The following EVC variants were observed in gnomAD, a reference collection of about 807,000 sequenced individuals.
The protein encoded by EVC is EvC ciliary complex subunit 1, also known as evC complex member EVC.
A neutral mutation model predicts 118.9 loss-of-function variants in EVC; 116 were observed. The ratio of observed to expected loss-of-function variants is 0.98; its 90% CI spans 0.84 to 1.14. EVC has a LOEUF of 1.14. Ranked by LOEUF, EVC falls within the 50% of genes most tolerant of loss-of-function variation. The pLI, the probability that EVC is intolerant of heterozygous loss-of-function variation, is 0.00. For synonymous variants in EVC, 619 were observed against 534.7 expected (o/e 1.16, Z -2.18); for missense variants, 1,401 against 1,246.4 (o/e 1.12, Z -1.87).
the EVC span, chr4:5,825,350 G>C: frequency 7.1e-7 from 1 of 1,418,256 alleles, no homozygotes; most frequent in Non-Finnish European, 9.1e-7. The surrounding 1 kb of genome is among the most constrained non-coding windows in gnomAD (Gnocchi z 4.4). Context: ...CCACCAGTGA[G>C]AGCAGGCTCG....
At chr4:5,825,795 GCA>G in the EVC span, 2 of 789,830 alleles carry the variant, frequency 2.5e-6, no homozygotes, top group African/African-American at 1.8e-5. This position sits in a 1 kb window ranked among gnomAD's most constrained non-coding sequence, Gnocchi z 4.4. Context: ...CACACAACAC[GCA>G]CACACGACAG....
the EVC span, among the ~76,000 whole-genome samples, chr4:5,823,548 G>A: frequency 2.0e-5 from 3 of 152,242 alleles, no homozygotes; most frequent in Non-Finnish European, 4.4e-5. Context: ...TTTGGGTCAT[G>A]AAGGACAGAC....
At chr4:5,802,157 G>T in intron 16 of EVC, 63 bp downstream of exon 16, 3 of 1,591,520 alleles carry the variant, frequency 1.9e-6, no homozygotes, top group Non-Finnish European at 2.6e-6. Flanking sequence ...TTAGTTTGGG[G>T]CAGAATAGGA....
At chr4:5,714,478 A>T (rs1479652401) in intron 1 of EVC, among the ~76,000 whole-genome samples, 2 of 145,676 alleles carry the variant, frequency 1.4e-5, no homozygotes, top group African/African-American at 5.1e-5. Context: ...TAATGTGCCT[A>T]TATTGCTGCT....
rs1295722143 is a variant in EVC, at chr4:5,716,632, C to G, written c.175-2616C>G. On this transcript the variant is annotated intron_variant, in intron 1 of 20. Transcript: ENST00000264956. ...TCAGGGACATATGTTAAGATGTTAT[C>G]TTTAGTTTCTGCAGGGAAACCAAAC... Among the ~76,000 whole-genome samples the G allele has an allele frequency of 2.0e-5, 3 of 152,160 alleles. No individual in the cohort carries two copies. The East Asian group carries it at 5.8e-4, about 29-fold the overall frequency.
chr4:5,772,018 C>T (rs951882468), intron 11 of EVC, among the ~76,000 whole-genome samples: 1 of 151,994 alleles, frequency 6.6e-6, no homozygotes, highest in Non-Finnish European at 1.5e-5. Flanking sequence ...CTGTCTCAGC[C>T]TCCCGGGTAG....
At chr4:5,787,338 G>A (rs1223339381) in intron 12 of EVC, among the ~76,000 whole-genome samples, 1 of 152,224 alleles carries the variant, frequency 6.6e-6, no homozygotes, top group African/African-American at 2.4e-5. Context: ...ATGTGATTAA[G>A]CAAAGGATCG....
rs941338533 is a variant in EVC at position 5,756,574 on chromosome 4, C to T, written c.1563+212C>T. Among the ~76,000 whole-genome samples, 1 of 152,216 alleles carries T rather than the reference C, an allele frequency of 6.6e-6. No homozygotes were observed. Among genetic ancestry groups the T allele is most frequent in the Non-Finnish European group, 1.5e-5 (1 of 68,034 alleles). ...TTGGCCTTGGTCCTCTCTGAGGCAC[C>T]GTCCATTTTTGGGGTGCTGAGGATT... is the stretch of plus-strand genomic sequence containing the variant. On this transcript the variant is annotated intron_variant, in intron 11 of 20. Transcript: ENST00000264956. This position sits in a 1 kb window ranked among gnomAD's most constrained non-coding sequence, Gnocchi z 4.2.
chr4:5,828,736 G>A, the EVC span: 12 of 1,538,438 alleles, frequency 7.8e-6, no homozygotes, highest in East Asian at 4.6e-5. Flanking sequence ...TCATAACAGC[G>A]ATTTTGCCTA....
At chr4:5,781,984 A>T (rs866657826) in intron 11 of EVC, among the ~76,000 whole-genome samples, 1 of 152,192 alleles carries the variant, frequency 6.6e-6, no homozygotes, top group South Asian at 2.1e-4. Context: ...ATTCATGGGG[A>T]TGGCTGTCTG....
At chr4:5,794,287 ATTT>A (rs1335234955) in intron 13 of EVC, among the ~76,000 whole-genome samples, 1,417 of 139,954 alleles carry the variant, frequency 0.01, 33 homozygotes, top group African/African-American at 0.036. Flanking sequence ...ATTTATATAT[ATTT>A]TTATATATTT....
intron 11 of EVC, among the ~76,000 whole-genome samples, chr4:5,777,320 AT>A (rs200536627): frequency 0.018 from 2,746 of 152,142 alleles, 41 homozygotes; most frequent in Non-Finnish European, 0.029. Flanking sequence ...GTTCCCTTCC[AT>A]TTTACTAATA....
chr4:5,793,501 T>TA lies in EVC; in HGVS notation c.1777-101dup, dbSNP rs199601018. 982 of 960,276 alleles carry TA rather than the reference T, an allele frequency of 1.0e-3. 8 individuals carry two copies. In the African/African-American group the frequency reaches 0.014, roughly 14 times the overall value. 59.5% of individuals were successfully genotyped at this position (960,276 alleles called of 1,614,324 possible). ...AATGAAATCGGGGCAGAAAGGGATT[T>TA]AAAAAAGAAACGCACACAAACAAGA... On this transcript the variant is annotated intron_variant, in intron 12 of 20. Coordinates refer to ENST00000264956, the MANE Select transcript of EVC (RefSeq NM_153717.3).
In EVC at chr4:5,719,473, A is replaced by G. The variant is rs1724582582; in HGVS notation, c.300+100A>G. 1 of 1,572,452 alleles carries G rather than the reference A, an allele frequency of 6.4e-7. No homozygotes were observed. The highest frequency in any genetic ancestry group is 1.1e-5 in the South Asian group (1 of 89,682). The stretch of plus-strand genomic sequence containing the variant: ...ATGTAGACAAGCCTCTGACAGATAT[A>G]GTTTCCCAATGGGCTGCTTTTCTGA... On this transcript the variant is annotated intron_variant, in intron 2 of 20. Coordinates refer to ENST00000264956, the MANE Select transcript of EVC (RefSeq NM_153717.3). The surrounding 1 kb of genome is among the most constrained non-coding windows in gnomAD (Gnocchi z 4.7).
At chr4:5,804,010 G>A (rs113347671) in intron 16 of EVC, among the ~76,000 whole-genome samples, 1 of 150,884 alleles carries the variant, frequency 6.6e-6, no homozygotes, top group Non-Finnish European at 1.5e-5. Context: ...GCATGATTTC[G>A]GCTCACTGCA....
intron 5 of EVC, among the ~76,000 whole-genome samples, chr4:5,741,118 T>TA (rs777862772): frequency 2.6e-5 from 4 of 152,356 alleles, no homozygotes; most frequent in Non-Finnish European, 4.4e-5. Flanking sequence ...AATGAGGACT[T>TA]ACGTTCACAC....
chr4:5,761,136 C>T (rs1401532977), intron 11 of EVC, among the ~76,000 whole-genome samples: 2 of 152,136 alleles, frequency 1.3e-5, no homozygotes, highest in African/African-American at 2.4e-5. Context: ...GTTTCCTTCT[C>T]TGTGCAATGG....
intron 4 of EVC, among the ~76,000 whole-genome samples, chr4:5,732,158 G>A (rs962931555): frequency 4.0e-5 from 6 of 148,984 alleles, no homozygotes; most frequent in South Asian, 2.2e-4. Context: ...GAGAGGCTGC[G>A]TGACTTGCTG....
At chr4:5,716,439 C>T (rs1364224373) in intron 1 of EVC, among the ~76,000 whole-genome samples, 1 of 152,168 alleles carries the variant, frequency 6.6e-6, no homozygotes, top group African/African-American at 2.4e-5. Context: ...AGAAAAGAAC[C>T]TTAGCTCAGG....
Sources: gnomAD v4.1 joint callset for allele counts (sites outside exome capture counted in the v4.1 genomes callset) on GRCh38, gnomAD v4.1.1 for gene constraint, Gnocchi (gnomAD v3.1) non-coding constraint, MANE v1.5 for transcripts, NCBI Gene and HGNC (gene_info 2026-07-23, HGNC 2026-07-21) for gene names.